Variants in SGK1 observed in about 807,000 individuals in gnomAD.
The protein encoded by SGK1 is serum/glucocorticoid regulated kinase 1.
SGK1 carries 26 observed loss-of-function variants against 64.2 expected under a neutral mutation model. The observed-to-expected ratio is 0.40, with a 90% CI of 0.30 to 0.56. SGK1 has a LOEUF of 0.56. SGK1 is among the 20% of genes least tolerant of loss of function. The pLI is 0.38. For missense variants in SGK1, 519 were observed against 645.6 expected (o/e 0.80, Z 2.12); for synonymous variants, 265 against 239.7 (o/e 1.11, Z -0.98).
intron 3 of SGK1, chr6:134,174,939 G>A (rs1191165575): frequency 2.7e-6 from 4 of 1,478,776 alleles, no homozygotes; most frequent in Non-Finnish European, 2.7e-6. Flanking sequence ...GTGAGAAGTG[G>A]CCCCGCCCTT....
intron 3 of SGK1, among the ~76,000 whole-genome samples, chr6:134,200,862 C>T (rs1179108112): frequency 1.3e-5 from 2 of 151,870 alleles, no homozygotes; most frequent in Admixed American, 1.3e-4. Context: ...TGAGATCATG[C>T]CACTGCACTC....
chr6:134,229,132 G>A (rs1300827152), intron 2 of SGK1, among the ~76,000 whole-genome samples: 1 of 152,210 alleles, frequency 6.6e-6, no homozygotes, highest in East Asian at 1.9e-4. Flanking sequence ...CGCCCAGCGC[G>A]GGTCTTGTAG....
intron 3 of SGK1, 55 bp from the exon 4 acceptor site, chr6:134,174,641 G>A (rs2114640815): frequency 6.2e-7 from 1 of 1,603,290 alleles, no homozygotes; most frequent in Non-Finnish European, 8.5e-7. Context: ...ATAACGTCCG[G>A]CGCCACACAC....
chr6:134,238,392 C>T lies in SGK1; in HGVS notation c.285+23541G>A, dbSNP rs79856688. ...TTAGCATCAGGAATGAGGTAAGTCCCTTTTCAGCATTAATTACAGTAACTG... is the reference window on the plus strand; with the variant it reads ...TTAGCATCAGGAATGAGGTAAGTCCTTTTTCAGCATTAATTACAGTAACTG... On this transcript the variant is annotated intron_variant, in intron 2 of 13. Transcript: ENST00000367858. Among the ~76,000 whole-genome samples, 307 of 152,240 alleles carry T rather than the reference C, an allele frequency of 2.0e-3. 1 individual carries two copies. Among genetic ancestry groups the T allele is most frequent in the African/African-American group, 6.9e-3 (285 of 41,542 alleles).
chr6:134,223,709 AG>A (rs1229453577), intron 2 of SGK1, among the ~76,000 whole-genome samples: 12 of 152,238 alleles, frequency 7.9e-5, no homozygotes, highest in African/African-American at 2.9e-4. Context: ...TTAGCAAAAA[AG>A]TCTGATATTC....
chr6:134,226,920 T>C (rs1776192067), intron 2 of SGK1, among the ~76,000 whole-genome samples: 1 of 152,090 alleles, frequency 6.6e-6, no homozygotes, highest in Non-Finnish European at 1.5e-5. Context: ...ACTCCTGGCC[T>C]CAAGCCATCC....
At chr6:134,298,432 G>A in intron 1 of SGK1, 2 of 934,660 alleles carry the variant, frequency 2.1e-6, no homozygotes, top group African/African-American at 1.6e-5. Context: ...CTTCTTTTGG[G>A]TGCGCAGGCC....
intron 3 of SGK1, among the ~76,000 whole-genome samples, chr6:134,194,200 C>T (rs971179445): frequency 6.6e-6 from 1 of 151,150 alleles, no homozygotes; most frequent in South Asian, 2.1e-4. Flanking sequence ...AATGTTATAA[C>T]GACATGCTAT....
intron 1 of SGK1, among the ~76,000 whole-genome samples, chr6:134,316,743 CAAAAAAAAAAAAAAAAA>C (rs141130901): frequency 2.0e-4 from 8 of 39,286 alleles, no homozygotes; most frequent in Non-Finnish European, 3.1e-4. Flanking sequence ...TGCTCTCTCC[CAAAAAAAAAAAAAAAAA>C]AAAAAAAAAA....
intron 2 of SGK1, among the ~76,000 whole-genome samples, chr6:134,227,814 T>C (rs1193295246): frequency 2.6e-5 from 4 of 152,146 alleles, no homozygotes; most frequent in Admixed American, 2.0e-4. Flanking sequence ...AGGTAACAAC[T>C]AAAACACATA....
In SGK1 at chr6:134,262,159, C is replaced by A. The variant is rs1336275528; in HGVS notation, c.70-11G>T. ...GATCCACCTTCGTACCTGCAATGTG[C>A]AAAAGGAAAGAAAAAACAAATGTGT... On this transcript the variant is annotated splice_polypyrimidine_tract_variant and intron_variant, in intron 1 of 13. Transcript: ENST00000367858. 2.0e-6 allele frequency: 3 copies of A among 1,535,600 alleles called. No individual in the cohort carries two copies. Among genetic ancestry groups the A allele is most frequent in the South Asian group, 1.2e-5 (1 of 81,252 alleles).
chr6:134,214,543 G>A (rs118163848), intron 2 of SGK1, among the ~76,000 whole-genome samples: 12 of 151,230 alleles, frequency 7.9e-5, no homozygotes, highest in Non-Finnish European at 1.6e-4. Flanking sequence ...GTGAGTCACC[G>A]TACTCTAGCC....
chr6:134,180,838 C>T (rs140364302), intron 3 of SGK1, among the ~76,000 whole-genome samples: 1 of 149,188 alleles, frequency 6.7e-6, no homozygotes, highest in East Asian at 2.0e-4. Context: ...TGCCACTGCA[C>T]TCTCGCCGGG....
chr6:134,208,268 G>A (rs1775825981), intron 2 of SGK1, among the ~76,000 whole-genome samples: 1 of 152,062 alleles, frequency 6.6e-6, no homozygotes, highest in South Asian at 2.1e-4. Flanking sequence ...AGCAGCACAT[G>A]TACATATGCA....
At chr6:134,248,687 G>A (rs984538446) in intron 2 of SGK1, among the ~76,000 whole-genome samples, 7 of 151,892 alleles carry the variant, frequency 4.6e-5, no homozygotes, top group African/African-American at 1.5e-4. Flanking sequence ...ACCTGCCTCG[G>A]CCTTATTTAC....
intron 2 of SGK1, among the ~76,000 whole-genome samples, chr6:134,220,084 A>AGC (rs1776065208): frequency 7.6e-6 from 1 of 131,632 alleles, no homozygotes; most frequent in Non-Finnish European, 1.6e-5. Flanking sequence ...AAAAAAAAAA[A>AGC]AAAGAAAAGA....
At chr6:134,253,853 A>G (rs1168431467) in intron 2 of SGK1, among the ~76,000 whole-genome samples, 1 of 152,128 alleles carries the variant, frequency 6.6e-6, no homozygotes, top group East Asian at 1.9e-4. Context: ...CTCTGGCTTC[A>G]CTAGGCCTTT....
intron 2 of SGK1, among the ~76,000 whole-genome samples, chr6:134,213,850 C>T (rs907050617): frequency 4.6e-5 from 7 of 151,792 alleles, no homozygotes; most frequent in African/African-American, 1.7e-4. Flanking sequence ...GGGGCAAAAA[C>T]GTGATATAAT....
At chr6:134,265,251 G>T (rs2114752519) in intron 1 of SGK1, among the ~76,000 whole-genome samples, 1 of 152,070 alleles carries the variant, frequency 6.6e-6, no homozygotes, top group South Asian at 2.1e-4. Context: ...CCTGAGCCCA[G>T]GAGTTCAAGA....
Sources: gnomAD v4.1 joint callset for allele counts (sites outside exome capture counted in the v4.1 genomes callset) on GRCh38, gnomAD v4.1.1 for gene constraint, MANE v1.5 for transcripts, NCBI Gene and HGNC (gene_info 2026-07-23, HGNC 2026-07-21) for gene names.